The following EYA4 variants were observed in gnomAD, a reference collection of about 807,000 sequenced individuals.
The protein encoded by EYA4 is protein phosphatase EYA4.
EYA4 carries 31 observed loss-of-function variants against 87.9 expected under a neutral mutation model. The observed-to-expected ratio is 0.35, with a 90% CI of 0.27 to 0.48. The LOEUF (loss-of-function observed/expected upper bound fraction) is 0.48, where lower values mean the gene tolerates loss of function less well. Ranked by LOEUF, EYA4 falls within the 20% of genes least tolerant of loss-of-function variation. EYA4 has a pLI of 0.99. For synonymous variants in EYA4, 263 were observed against 270.6 expected (o/e 0.97, Z 0.28); for missense variants, 678 against 761.4 (o/e 0.89, Z 1.29).
intron 2 of EYA4, among the ~76,000 whole-genome samples, chr6:133,312,928 A>G (rs928077474): frequency 1.3e-5 from 2 of 151,860 alleles, no homozygotes; most frequent in Non-Finnish European, 2.9e-5. Context: ...GCCTAAGACT[A>G]TGCCCTTTTA....
chr6:133,272,332 GAA>G (rs1776762694), intron 1 of EYA4, among the ~76,000 whole-genome samples: 1 of 152,196 alleles, frequency 6.6e-6, no homozygotes, highest in South Asian at 2.1e-4. Flanking sequence ...GGCAGGAGTA[GAA>G]ACCATGGACA....
chr6:133,472,879 G>T (rs1795393077), intron 11 of EYA4, among the ~76,000 whole-genome samples: 1 of 147,442 alleles, frequency 6.8e-6, no homozygotes, highest in Admixed American at 6.9e-5. Context: ...GATCTTTGTT[G>T]GTTTAAAGTC....
intron 3 of EYA4, among the ~76,000 whole-genome samples, chr6:133,425,232 A>G (rs987611376): frequency 6.6e-6 from 1 of 150,698 alleles, no homozygotes; most frequent in Non-Finnish European, 1.5e-5. Context: ...AATCCCTGTT[A>G]GTATTGTAAT....
At chr6:133,306,828 G>A (rs891085166) in intron 2 of EYA4, among the ~76,000 whole-genome samples, 1 of 152,176 alleles carries the variant, frequency 6.6e-6, no homozygotes, top group Non-Finnish European at 1.5e-5. Context: ...ACTTGACAGA[G>A]ATCCTCAGTA....
chr6:133,516,334 G>T (rs913912537), intron 17 of EYA4, among the ~76,000 whole-genome samples: 1 of 151,852 alleles, frequency 6.6e-6, no homozygotes, highest in African/African-American at 2.4e-5. Flanking sequence ...GCAAAACCCC[G>T]TGACCTATAT....
chr6:133,248,754 C>G (rs1006001557), intron 1 of EYA4: 2 of 152,174 alleles, frequency 1.3e-5, no homozygotes, highest in African/African-American at 4.8e-5. Flanking sequence ...AGGTGAATCA[C>G]ATTCAGATTT....
chr6:133,514,686 T>C (rs2128787890), intron 16 of EYA4, among the ~76,000 whole-genome samples: 1 of 152,314 alleles, frequency 6.6e-6, no homozygotes, highest in Non-Finnish European at 1.5e-5. Flanking sequence ...AATAAAAAAT[T>C]AGCACATCTA....
intron 3 of EYA4, among the ~76,000 whole-genome samples, chr6:133,446,406 C>T (rs150451785): frequency 3.3e-5 from 5 of 151,904 alleles, no homozygotes; most frequent in African/African-American, 7.2e-5. Context: ...TATTACAAAC[C>T]GGTTATGAGG....
intron 5 of EYA4, among the ~76,000 whole-genome samples, chr6:133,448,937 C>T (rs185684239): frequency 5.3e-5 from 8 of 152,302 alleles, no homozygotes; most frequent in Admixed American, 5.2e-4. Flanking sequence ...TTAGAATAGG[C>T]ACAGTTTGCC....
chr6:133,311,221 A>G (rs1780187871), intron 2 of EYA4, among the ~76,000 whole-genome samples: 1 of 152,090 alleles, frequency 6.6e-6, no homozygotes, highest in Non-Finnish European at 1.5e-5. Flanking sequence ...TCTCTGGACC[A>G]TGGTAGTTGC....
chr6:133,529,330 A>T lies in EYA4; in HGVS notation c.*525A>T. The T allele has an allele frequency of 2.0e-6, 2 of 993,426 alleles. No individual in the cohort carries two copies. Among genetic ancestry groups the T allele is most frequent in the African/African-American group, 3.5e-5 (2 of 57,386 alleles). 61.5% of individuals were successfully genotyped at this position (993,426 alleles called of 1,614,324 possible). On this transcript the variant is annotated 3_prime_UTR_variant, in exon 20 of 20. Coordinates refer to ENST00000355286, the MANE Select transcript of EYA4 (RefSeq NM_004100.5). ...AATAATTTACTGTGACTTTATTAGC[A>T]GCTGACTTTCAAAGTGGATGCAATT...
At position 133,373,141 on chromosome 6, in the gene EYA4, TG is replaced by T. The variant is rs546816325; in HGVS notation, c.34-9250del. On this transcript the variant is annotated intron_variant, in intron 2 of 19. Coordinates refer to ENST00000355286, the MANE Select transcript of EYA4 (RefSeq NM_004100.5). ...TGGTGTACTAGAGTATATTACATAA[TG>T]ATTGATATTTTATGTTTGGAAACAT... Among the ~76,000 whole-genome samples, 133 of 152,182 alleles carry T rather than the reference TG, an allele frequency of 8.7e-4. 1 individual carries two copies. The highest frequency in any genetic ancestry group is 7.9e-3 in the South Asian group (38 of 4,822).
At chr6:133,277,377 A>G (rs1280477582) in intron 2 of EYA4, among the ~76,000 whole-genome samples, 4 of 152,242 alleles carry the variant, frequency 2.6e-5, no homozygotes, top group Non-Finnish European at 5.9e-5. Flanking sequence ...TGGATTTTGC[A>G]TGATACAACA....
intron 3 of EYA4, among the ~76,000 whole-genome samples, chr6:133,416,843 C>T (rs1223727033): frequency 1.3e-5 from 2 of 152,196 alleles, no homozygotes; most frequent in African/African-American, 4.8e-5. Context: ...TAGGGCAAAG[C>T]ACCATCTCCC....
chr6:133,415,807 A>G (rs997424180), intron 3 of EYA4, among the ~76,000 whole-genome samples: 2 of 152,204 alleles, frequency 1.3e-5, no homozygotes, highest in African/African-American at 2.4e-5. Context: ...TGTGCCAGAT[A>G]AGACATCTCA....
chr6:133,417,950 C>G (rs1294485747), intron 3 of EYA4, among the ~76,000 whole-genome samples: 1 of 152,168 alleles, frequency 6.6e-6, no homozygotes, highest in Non-Finnish European at 1.5e-5. Flanking sequence ...CCTGTTATAT[C>G]AGTCTATTCC....
chr6:133,489,524 A>G (rs1018503541), intron 13 of EYA4, among the ~76,000 whole-genome samples: 2 of 152,106 alleles, frequency 1.3e-5, no homozygotes, highest in Non-Finnish European at 2.9e-5. Context: ...GAAATGAGGA[A>G]CATACAGTGG....
chr6:133,436,877 A>G (rs1182791021), intron 3 of EYA4, among the ~76,000 whole-genome samples: 1 of 152,200 alleles, frequency 6.6e-6, no homozygotes, highest in Non-Finnish European at 1.5e-5. Context: ...CAGGATCTGT[A>G]CAGAATAAAT....
intron 2 of EYA4, among the ~76,000 whole-genome samples, chr6:133,295,896 A>G (rs773164834): frequency 6.6e-6 from 1 of 152,228 alleles, no homozygotes; most frequent in African/African-American, 2.4e-5. Flanking sequence ...CTTTCAAATA[A>G]TTTATATTCT....
Sources: gnomAD v4.1 joint callset for allele counts (sites outside exome capture counted in the v4.1 genomes callset) on GRCh38, gnomAD v4.1.1 for gene constraint, MANE v1.5 for transcripts, NCBI Gene and HGNC (gene_info 2026-07-23, HGNC 2026-07-21) for gene names.